The following ABCC5 variants were observed in gnomAD, a reference collection of about 807,000 sequenced individuals.
ABCC5 encodes the protein ATP-binding cassette sub-family C member 5.
In ABCC5, 61 loss-of-function variants were observed where a neutral mutation model predicts 160.9. The ratio of observed to expected loss-of-function variants is 0.38; its 90% confidence interval spans 0.31 to 0.47. The LOEUF (loss-of-function observed/expected upper bound fraction) is 0.47, where lower values mean the gene tolerates loss of function less well. ABCC5 is among the 20% of genes least tolerant of loss of function. The pLI, the probability that ABCC5 is intolerant of heterozygous loss-of-function variation, is 0.99. For synonymous variants in ABCC5, 666 were observed against 700.6 expected (o/e 0.95, Z 0.78); for missense variants, 1,308 against 1,813.3 (o/e 0.72, Z 5.06).
chr3:183,960,450 T>C (rs1157775668), intron 16 of ABCC5, among the ~76,000 whole-genome samples: 1 of 152,204 alleles, frequency 6.6e-6, no homozygotes, highest in East Asian at 1.9e-4. Flanking sequence ...CCCATTCAGA[T>C]AGATTCAAGT....
chr3:183,973,147 T>C (rs560453269), intron 10 of ABCC5, among the ~76,000 whole-genome samples: 4 of 148,078 alleles, frequency 2.7e-5, no homozygotes, highest in Non-Finnish European at 3.0e-5. Context: ...CTCCGCCTCC[T>C]GAGTTCACGC....
At chr3:183,954,536 G>A (rs905121253) in intron 17 of ABCC5, among the ~76,000 whole-genome samples, 5 of 152,206 alleles carry the variant, frequency 3.3e-5, no homozygotes, top group African/African-American at 1.2e-4. Context: ...GGTAAGAGAT[G>A]ATAAAGGCCT....
At chr3:183,994,011 T>G (rs1249469167) in intron 2 of ABCC5, among the ~76,000 whole-genome samples, 1 of 150,716 alleles carries the variant, frequency 6.6e-6, no homozygotes, top group African/African-American at 2.4e-5. Flanking sequence ...TCACCCAGGA[T>G]GGAGTGCAGT....
chr3:184,004,213 TAAAA>T (rs11298066), intron 2 of ABCC5, among the ~76,000 whole-genome samples: 3 of 141,278 alleles, frequency 2.1e-5, no homozygotes, highest in Non-Finnish European at 1.6e-5. Context: ...AGGCTTTAGC[TAAAA>T]AAAAAAAAAA....
At chr3:183,972,559 G>C (rs1257972262) in intron 10 of ABCC5, among the ~76,000 whole-genome samples, 1 of 152,138 alleles carries the variant, frequency 6.6e-6, no homozygotes, top group South Asian at 2.1e-4. Flanking sequence ...GAAGTGAAGG[G>C]TATCTCCCTG....
rs201172198 is a variant in ABCC5, at chr3:183,965,464, G to T, written c.1871C>A (p.Thr624Asn). Residue 624 changes from threonine (T) to asparagine (N), a missense_variant, in exon 13 of 30, where the codon ACC becomes AAC. By Grantham distance (65) the Thr-to-Asn change is moderately conservative. Around this residue, in one of 3 missense-constraint regions of ABCC5, gnomAD observed 1,142 missense variants for 1,527.1 expected, o/e 0.75. Transcript: ENST00000334444. ...GGCCTGCTGGGCCACATAAGCGAAG[G>T]TTCCACTGATTGCAATGCTGCCCTC... ...LLEGSIAISG[T>N]FAYVAQQAWI... 1.9e-6 allele frequency: 3 copies of T among 1,613,766 alleles called. No individual in the cohort carries two copies. Among genetic ancestry groups the T allele is most frequent in the Non-Finnish European group, 1.7e-6 (2 of 1,180,024 alleles).
chr3:183,994,320 T>C (rs544809002), intron 2 of ABCC5, among the ~76,000 whole-genome samples: 1 of 152,306 alleles, frequency 6.6e-6, no homozygotes, highest in South Asian at 2.1e-4. Flanking sequence ...ACATTCCCAC[T>C]AGCAATGGAT....
Position 183,951,299 on chromosome 3 carries a change from G to T in ABCC5, c.2944+142C>A. On this transcript the variant is annotated intron_variant, in intron 20 of 29. Coordinates refer to ENST00000334444, the MANE Select transcript of ABCC5 (RefSeq NM_005688.4). The surrounding 1 kb of genome is among the most constrained non-coding windows in gnomAD (Gnocchi z 4.7). ...GTCAAACAAGACAGAAAATGCAGTT[G>T]CAATGTTCCTGGTGAAAACACCAGC... 2.8e-6 allele frequency: 3 copies of T among 1,089,690 alleles called. No homozygotes were observed. Among genetic ancestry groups the T allele is most frequent in the Non-Finnish European group, 3.9e-6 (3 of 778,516 alleles). The allele number at this position is 1,089,690 out of a possible 1,614,324, so 67.5% of individuals were successfully genotyped here.
chr3:183,923,072 C>T (rs760194947), intron 29 of ABCC5, among the ~76,000 whole-genome samples: 38 of 152,012 alleles, frequency 2.5e-4, no homozygotes, highest in Non-Finnish European at 5.1e-4. Flanking sequence ...AAAAACACAG[C>T]TGGGGTAAGT....
At chr3:184,000,082 G>C (rs1720621227) in intron 2 of ABCC5, among the ~76,000 whole-genome samples, 1 of 151,932 alleles carries the variant, frequency 6.6e-6, no homozygotes, top group Admixed American at 6.6e-5. Context: ...CAAGTGGCTG[G>C]GCGCGGCGGC....
chr3:183,927,144 C>A (rs1712662926), intron 28 of ABCC5, among the ~76,000 whole-genome samples, 186 bp downstream of exon 28: 1 of 152,150 alleles, frequency 6.6e-6, no homozygotes, highest in African/African-American at 2.4e-5. Context: ...AACAAAGCAA[C>A]CCTGTTCTCC....
intron 9 of ABCC5, among the ~76,000 whole-genome samples, chr3:183,977,877 C>T (rs770762749): frequency 2.6e-5 from 4 of 151,954 alleles, no homozygotes; most frequent in Non-Finnish European, 5.9e-5. Flanking sequence ...CTCAGCCTCC[C>T]GAGTAGCTGG....
chr3:183,935,127 C>CCTCG (rs1221187794), intron 26 of ABCC5, among the ~76,000 whole-genome samples: 42 of 149,352 alleles, frequency 2.8e-4, no homozygotes, highest in Admixed American at 8.0e-4. Context: ...GATCCGCCCT[C>CCTCG]CTCGGCCTCC....
rs59592606 is a variant in ABCC5, at chr3:183,959,052, T to TACACACACACAC, written c.2482+669_2482+680dup. Reference sequence around the variant, plus strand: ...AACACACATGTCTACATCTATACAGTACACACACACACACACACACACACA... The same window carrying TACACACACACAC: ...AACACACATGTCTACATCTATACAGTACACACACACACACACACACACACACACACACACACA... On this transcript the variant is annotated intron_variant, in intron 17 of 29. Transcript: ENST00000334444. 1.9e-3 allele frequency among the ~76,000 whole-genome samples: 280 copies of TACACACACACAC among 148,158 alleles called. 1 individual carries two copies. The highest frequency in any genetic ancestry group is 3.4e-3 in the Middle Eastern group (1 of 292).
chr3:183,998,720 C>CTT (rs1476488734), intron 2 of ABCC5, among the ~76,000 whole-genome samples: 1 of 152,072 alleles, frequency 6.6e-6, no homozygotes, highest in Non-Finnish European at 1.5e-5. Flanking sequence ...TAAACCATAA[C>CTT]TGTACAAAAT....
intron 17 of ABCC5, among the ~76,000 whole-genome samples, chr3:183,958,213 ATC>A (rs751085522): frequency 3.3e-5 from 5 of 152,224 alleles, no homozygotes; most frequent in Non-Finnish European, 7.3e-5. Context: ...TGTATATTAC[ATC>A]TGTTACATGC....
intron 29 of ABCC5, among the ~76,000 whole-genome samples, chr3:183,923,524 G>A (rs1383753121): frequency 1.3e-5 from 2 of 152,204 alleles, no homozygotes; most frequent in Non-Finnish European, 2.9e-5. Flanking sequence ...TCAGGAGACT[G>A]AGGCAGGAGA....
At chr3:183,971,964 A>G (rs954701884) in intron 10 of ABCC5, 45 bp from the exon 11 acceptor site, 1 of 1,610,172 alleles carries the variant, frequency 6.2e-7, no homozygotes, top group Non-Finnish European at 8.5e-7. Context: ...ACACTGGATC[A>G]AGACCAGGGA....
intron 11 of ABCC5, among the ~76,000 whole-genome samples, chr3:183,968,471 A>G (rs1423144401): frequency 6.6e-6 from 1 of 152,126 alleles, no homozygotes; most frequent in East Asian, 1.9e-4. Flanking sequence ...GACTCTTAAA[A>G]ATCATTTTAT....
Sources: allele counts gnomAD v4.1 joint callset (sites outside exome capture counted in the v4.1 genomes callset), GRCh38; gene constraint gnomAD v4.1.1; regional missense constraint gnomAD v4.1.1; non-coding constraint Gnocchi (gnomAD v3.1); transcripts MANE v1.5; gene names NCBI Gene and HGNC (gene_info 2026-07-23, HGNC 2026-07-21).